Variants in MIDEAS observed in about 807,000 individuals in gnomAD.
The protein encoded by MIDEAS is mitotic deacetylase-associated SANT domain protein.
Under a neutral mutation model 102.7 loss-of-function variants are expected in MIDEAS, and 26 were observed. That is an observed-to-expected ratio of 0.25 (90% confidence interval 0.19 to 0.35). The LOEUF is 0.35. Among genes scored for constraint, MIDEAS ranks in the 10% least tolerant of loss-of-function variants. The pLI, the probability that MIDEAS is intolerant of heterozygous loss-of-function variation, is 1.00. For missense variants in MIDEAS, 1,231 were observed against 1,435.6 expected (o/e 0.86, Z 2.30); for synonymous variants, 585 against 591.0 (o/e 0.99, Z 0.15).
At chr14:73,760,508 T>C (rs2140157425), upstream of MIDEAS, among the ~76,000 whole-genome samples, 1 of 152,368 alleles carries the variant, frequency 6.6e-6, no homozygotes, top group African/African-American at 2.4e-5. The surrounding 1 kb of genome is among the most constrained non-coding windows in gnomAD (Gnocchi z 4.8). Context: ...CGGGCCACGC[T>C]GCTAGTTCCT....
Position 73,729,801 on chromosome 14 carries a change from G to A in MIDEAS, c.1934C>T (p.Ser645Phe), listed in dbSNP as rs781069497. 2.5e-6 allele frequency: 4 copies of A among 1,614,074 alleles called. No individual in the cohort carries two copies. The East Asian group carries it at 8.9e-5, about 36-fold the overall frequency. ...GGGAGGTAGCTCAAAGCTCCGCTCA[G>A]AGGGGTGGTCAGCTAGGCGCACGGG... Reference protein sequence around the residue: ...RSPVRLADHPSERSFELPPYT... With the variant: ...RSPVRLADHPFERSFELPPYT... The change falls in exon 4 of 13, where the codon TCT becomes TTT. Residue 645 changes from serine to phenylalanine, a missense_variant. Transcript: ENST00000423556.
At chr14:73,775,310 C>T (rs2053680073) in intron 1 of MIDEAS, among the ~76,000 whole-genome samples, 1 of 151,966 alleles carries the variant, frequency 6.6e-6, no homozygotes, top group Admixed American at 6.6e-5. Flanking sequence ...TTGGGCAGTT[C>T]TCAAAGATTA....
intron 3 of MIDEAS, among the ~76,000 whole-genome samples, chr14:73,731,832 G>A (rs1384911983): frequency 6.6e-6 from 1 of 152,190 alleles, no homozygotes; most frequent in Non-Finnish European, 1.5e-5. Context: ...GCTAAACACT[G>A]GCATTCATTA....
In MIDEAS at chr14:73,759,358, C is replaced by A. The variant is rs1193264249; in HGVS notation, c.-248+405G>T. Reference sequence around the variant, plus strand: ...GTCCCCACGGACACCACGTTTCTCTCCAGCGGAGGAGGAGCAGCCGGATTC... The same window carrying A: ...GTCCCCACGGACACCACGTTTCTCTACAGCGGAGGAGGAGCAGCCGGATTC... On this transcript the variant is annotated intron_variant, in intron 1 of 12. Coordinates refer to ENST00000423556, the MANE Select transcript of MIDEAS (RefSeq NM_001367710.1). The surrounding 1 kb of genome is among the most constrained non-coding windows in gnomAD (Gnocchi z 6.7). Among the ~76,000 whole-genome samples, 1 of 152,048 alleles carries A rather than the reference C, an allele frequency of 6.6e-6. No homozygotes were observed. The highest frequency in any genetic ancestry group is 6.5e-5 in the Admixed American group (1 of 15,280).
intron 1 of MIDEAS, among the ~76,000 whole-genome samples, chr14:73,774,877 C>T (rs1048943208): frequency 2.0e-5 from 3 of 152,056 alleles, no homozygotes; most frequent in Admixed American, 6.5e-5. Context: ...CTCAGGTGGC[C>T]CTTCTCGTTC....
intron 5 of MIDEAS, 126 bp from the exon 6 acceptor site, chr14:73,727,098 G>T: frequency 8.0e-7 from 1 of 1,247,540 alleles, no homozygotes; most frequent in Non-Finnish European, 1.1e-6. Context: ...GGTGTAGGGA[G>T]TCTGGCTTCT....
chr14:73,727,126 G>T, intron 5 of MIDEAS, 154 bp from the exon 6 acceptor site: 1 of 938,768 alleles, frequency 1.1e-6, no homozygotes, highest in Non-Finnish European at 1.5e-6. Context: ...TGGGAGGACA[G>T]CCTGACCTGG....
Position 73,779,897 on chromosome 14 carries a change from G to C in MIDEAS, c.-248+7205C>G, listed in dbSNP as rs373160236. Among the ~76,000 whole-genome samples, 1,243 of 128,974 alleles carry C rather than the reference G, an allele frequency of 9.6e-3. 24 individuals are homozygous for C. The highest frequency in any genetic ancestry group is 0.034 in the African/African-American group (1,167 of 34,538). 84.6% of individuals were successfully genotyped at this position (128,974 alleles called of 152,430 possible). A position where few individuals can be genotyped will look rare whatever the true frequency, so the allele number is the denominator to read the frequency against. On this transcript the variant is annotated intron_variant, in intron 1 of 11. Transcript: ENST00000394071. ...CGGCCTATTATTTTTTTTTGAGACA[G>C]AGTCTTGCTCTGTTGCCCAGGCTGG...
At chr14:73,768,354 C>G (rs1239893658) in intron 1 of MIDEAS, among the ~76,000 whole-genome samples, 1 of 152,056 alleles carries the variant, frequency 6.6e-6, no homozygotes, top group Non-Finnish European at 1.5e-5. Context: ...AGCTTTCTCT[C>G]TGCTACATGA....
intron 1 of MIDEAS, among the ~76,000 whole-genome samples, chr14:73,756,516 T>A (rs1360037928): frequency 6.6e-6 from 1 of 152,168 alleles, no homozygotes; most frequent in African/African-American, 2.4e-5. Context: ...AATTTTTCAG[T>A]CCCAGAGTCA....
At chr14:73,753,300 G>A (rs1381722056) in intron 1 of MIDEAS, among the ~76,000 whole-genome samples, 1 of 152,042 alleles carries the variant, frequency 6.6e-6, no homozygotes, top group Non-Finnish European at 1.5e-5. Context: ...CCAGTCTAAT[G>A]GTGCCTGAAT....
chr14:73,762,312 G>C (rs534332077), upstream of MIDEAS, among the ~76,000 whole-genome samples: 14 of 152,330 alleles, frequency 9.2e-5, no homozygotes, highest in African/African-American at 2.6e-4. Context: ...ACAGGTGAAA[G>C]CCACTCCAAA....
chr14:73,721,397 A>ACCT lies in MIDEAS; in HGVS notation c.2834_2836dup (p.Glu945dup). 1 of 1,611,670 alleles carries ACCT rather than the reference A, an allele frequency of 6.2e-7. No homozygotes were observed. The highest frequency in any genetic ancestry group is 8.5e-7 in the Non-Finnish European group (1 of 1,179,422). On this transcript the variant is annotated inframe_insertion, in exon 11 of 13. Coordinates refer to ENST00000423556, the MANE Select transcript of MIDEAS (RefSeq NM_001367710.1). The stretch of plus-strand genomic sequence containing the variant: ...CTCCTCCTTCTCTTGGATCTCTGGC[A>ACCT]CCTCCTCCTCCCCCTCCTTCCTGGG...
intron 1 of MIDEAS, among the ~76,000 whole-genome samples, chr14:73,774,305 C>A (rs994989342): frequency 1.3e-5 from 2 of 151,852 alleles, no homozygotes; most frequent in Non-Finnish European, 2.9e-5. Context: ...CCCACTGCAC[C>A]CTGCAATTAC....
upstream of MIDEAS, among the ~76,000 whole-genome samples, chr14:73,788,220 A>T (rs1283562246): frequency 6.6e-6 from 1 of 151,998 alleles, no homozygotes; most frequent in African/African-American, 2.4e-5. Context: ...CATTAGCTTC[A>T]TTGTAGCTTG....
upstream of MIDEAS, among the ~76,000 whole-genome samples, chr14:73,762,832 A>C (rs1303156770): frequency 1.3e-5 from 2 of 152,190 alleles, no homozygotes; most frequent in Non-Finnish European, 2.9e-5. Flanking sequence ...AAAAAGGAGT[A>C]CAGAGCTCCA....
chr14:73,756,267 A>AGTGT (rs772519833), intron 1 of MIDEAS, among the ~76,000 whole-genome samples: 3,027 of 141,104 alleles, frequency 0.021, 40 homozygotes, highest in Middle Eastern at 0.03. Flanking sequence ...AGCCCATGTC[A>AGTGT]GTGTGTGTGT....
intron 1 of MIDEAS, among the ~76,000 whole-genome samples, chr14:73,784,669 T>C (rs1403975940): frequency 6.6e-6 from 1 of 152,176 alleles, no homozygotes; most frequent in African/African-American, 2.4e-5. Context: ...CCTGGTCAGG[T>C]GATCCAGCTA....
chr14:73,720,892 CTTG>C (rs1035230764), intron 11 of MIDEAS, among the ~76,000 whole-genome samples: 5 of 152,222 alleles, frequency 3.3e-5, no homozygotes, highest in Admixed American at 6.5e-5. Context: ...CAGTCTCATT[CTTG>C]TCAGGGACTC....
Sources: gnomAD v4.1 joint callset for allele counts (sites outside exome capture counted in the v4.1 genomes callset) on GRCh38, gnomAD v4.1.1 for gene constraint, Gnocchi (gnomAD v3.1) non-coding constraint, MANE v1.5 for transcripts, NCBI Gene and HGNC (gene_info 2026-07-23, HGNC 2026-07-21) for gene names.